Variants in SIM1 observed in about 807,000 individuals in gnomAD.
SIM1 encodes single-minded homolog 1.
Under a neutral mutation model 78.2 loss-of-function variants are expected in SIM1, and 18 were observed. That is an observed-to-expected ratio of 0.23 (90% CI 0.16 to 0.34). The LOEUF (loss-of-function observed/expected upper bound fraction) is 0.34. Among genes scored for constraint, SIM1 ranks in the 10% least tolerant of loss-of-function variants. SIM1 has a pLI of 1.00. For synonymous variants in SIM1, 417 were observed against 385.2 expected (o/e 1.08, Z -0.97); for missense variants, 939 against 975.1 (o/e 0.96, Z 0.49).
chr6:100,414,159 G>C (rs1771337683), intron 10 of SIM1, among the ~76,000 whole-genome samples: 1 of 152,208 alleles, frequency 6.6e-6, no homozygotes, highest in Non-Finnish European at 1.5e-5. Flanking sequence ...TTGTAAAAAG[G>C]GATGGATGGG....
At position 100,461,841 on chromosome 6, in the gene SIM1, C is replaced by CT. The variant is rs10522700; in HGVS notation, c.175+1452dup. On this transcript the variant is annotated intron_variant, in intron 2 of 11. Coordinates refer to ENST00000369208, the MANE Select transcript of SIM1 (RefSeq NM_005068.3). ...TTCTTCTTTTTTTCTTTCTTTCTTT[C>CT]TTTTTTTTTTTTTTTTTTTAATTTT... 2.7e-3 allele frequency among the ~76,000 whole-genome samples: 304 copies of CT among 113,340 alleles called. 1 individual carries two copies. The highest frequency in any genetic ancestry group is 8.3e-3 in the African/African-American group (232 of 28,018). 74.4% of individuals were successfully genotyped at this position (113,340 alleles called of 152,430 possible). A position where few individuals can be genotyped will look rare whatever the true frequency, so the allele number is the denominator to read the frequency against.
At position 100,404,197 on chromosome 6, in the gene SIM1, G is replaced by A. The variant is rs534149811; in HGVS notation, c.1168-10308C>T. On this transcript the variant is annotated intron_variant, in intron 10 of 11. Transcript: ENST00000369208. ...AGATATTCTTCTTTTGATTACGGTC[G>A]TTAAGATTCATTCCTGCTTCAACAG... Among the ~76,000 whole-genome samples, 11 of 152,274 alleles carry A rather than the reference G, an allele frequency of 7.2e-5. No individual in the cohort carries two copies. In the South Asian group the frequency reaches 1.9e-3, roughly 26 times the overall value.
intron 2 of SIM1, among the ~76,000 whole-genome samples, chr6:100,456,003 T>C: frequency 6.6e-6 from 1 of 152,152 alleles, no homozygotes; most frequent in East Asian, 1.9e-4. Flanking sequence ...ATAAACAACC[T>C]GTCCGGCACA....
chr6:100,425,456 T>C (rs1250002378), intron 9 of SIM1, among the ~76,000 whole-genome samples: 1 of 152,168 alleles, frequency 6.6e-6, no homozygotes, highest in African/African-American at 2.4e-5. Context: ...TGAGAGGAAT[T>C]TGGCCTTCCT....
chr6:100,451,211 G>A (rs1232169863), intron 3 of SIM1, among the ~76,000 whole-genome samples: 4 of 152,182 alleles, frequency 2.6e-5, no homozygotes, highest in Non-Finnish European at 2.9e-5. Context: ...CTGAGTGACC[G>A]GAGGCCTGGG....
At chr6:100,431,635 C>G (rs771298688) in intron 9 of SIM1, among the ~76,000 whole-genome samples, 7 of 152,144 alleles carry the variant, frequency 4.6e-5, no homozygotes, top group Non-Finnish European at 1.0e-4. Flanking sequence ...TTTTCATTGT[C>G]TCTATCCTTG....
chr6:100,390,237 CA>C lies in SIM1; in HGVS notation c.*123del. The stretch of plus-strand genomic sequence containing the variant: ...TCTTTGATTTTATAGGAACACGTAT[CA>C]AATACCCAGTAACTTAAGTTATACT... On this transcript the variant is annotated 3_prime_UTR_variant, in exon 12 of 12. Transcript: ENST00000369208. The C allele has an allele frequency of 1.9e-6, 2 of 1,072,640 alleles. No individual in the cohort carries two copies. Among genetic ancestry groups the C allele is most frequent in the Non-Finnish European group, 2.7e-6 (2 of 747,310 alleles). The allele number at this position is 1,072,640 out of a possible 1,614,324, so 66.4% of individuals were successfully genotyped here.
intron 9 of SIM1, among the ~76,000 whole-genome samples, chr6:100,438,642 T>G (rs1772122905): frequency 6.6e-6 from 1 of 152,172 alleles, no homozygotes; most frequent in Non-Finnish European, 1.5e-5. Context: ...AGTCATTATA[T>G]GAAAAAGACA....
chr6:100,394,024 A>G (rs1232860964), intron 10 of SIM1, 135 bp from the exon 11 acceptor site: 2 of 855,032 alleles, frequency 2.3e-6, no homozygotes, highest in African/African-American at 3.5e-5. Flanking sequence ...CGTCAAAATA[A>G]CCGTTGCTTT....
chr6:100,422,954 CG>C (rs1771634524), intron 9 of SIM1, among the ~76,000 whole-genome samples: 1 of 152,160 alleles, frequency 6.6e-6, no homozygotes, highest in African/African-American at 2.4e-5. Context: ...CAGCAAATTA[CG>C]ATGGCTTACT....
In SIM1 at chr6:100,414,280, T is replaced by G. The variant is rs143170323; in HGVS notation, c.1167+6510A>C. Among the ~76,000 whole-genome samples the G allele has an allele frequency of 2.5e-3, 378 of 152,306 alleles. 1 individual carries two copies. Among genetic ancestry groups the G allele is most frequent in the African/African-American group, 8.7e-3 (361 of 41,560 alleles). On this transcript the variant is annotated intron_variant, in intron 10 of 11. Coordinates refer to ENST00000369208, the MANE Select transcript of SIM1 (RefSeq NM_005068.3). ...TGAGGCCCTATGACCAACGACATCT[T>G]ATAATTCCTCTCTAACAGGTTAGCT...
rs368515157 is a variant in SIM1, at chr6:100,449,598, G to T, written c.450C>A (p.Phe150Leu). 6.2e-7 allele frequency: 1 copy of T among 1,613,518 alleles called. No homozygotes were observed. Among genetic ancestry groups the T allele is most frequent in the Admixed American group, 1.7e-5 (1 of 60,034 alleles). ...LTAHQPYHSH[F>L]VQEYEIERSF... Reference sequence around the variant, plus strand: ...GGCATGTGTCTACCTTACCCTGCACGAAGTGAGAGTGGTAGGGTTGATGGG... The same window carrying T: ...GGCATGTGTCTACCTTACCCTGCACTAAGTGAGAGTGGTAGGGTTGATGGG... The change falls in exon 5 of 12, where the codon TTC (phenylalanine) becomes TTA (leucine). Residue 150 changes from phenylalanine (F) to leucine (L), a missense_variant. Physicochemically the swap from Phe to Leu is conservative, Grantham distance 22. Transcript: ENST00000369208.
Position 100,448,486 on chromosome 6 carries a change from C to T in SIM1, c.736G>A (p.Asp246Asn), listed in dbSNP as rs1293783582. Residue 246 changes from aspartate (D) to asparagine (N), a missense_variant, in exon 7 of 12, where the codon GAC becomes AAC. Asp to Asn is a conservative substitution (Grantham distance 23). Around this residue, in one of 5 missense-constraint regions of SIM1, gnomAD observed 187 missense variants for 191.6 expected, o/e 0.98. Transcript: ENST00000369208. The part of the protein sequence containing the change: ...ASLDMKLIFL[D>N]SRVAELTGYE... ...CCGGCCCTGCCCACCCACCTGGAGTCCAGAAAGATGAGCTTCATGTCCAGG... is the reference window on the plus strand; with the variant it reads ...CCGGCCCTGCCCACCCACCTGGAGTTCAGAAAGATGAGCTTCATGTCCAGG... 4.3e-6 allele frequency: 7 copies of T among 1,613,634 alleles called. No individual in the cohort carries two copies. The Admixed American group carries it at 1.2e-4, about 27-fold the overall frequency.
chr6:100,415,722 G>A (rs770815417), intron 10 of SIM1, among the ~76,000 whole-genome samples: 1 of 152,072 alleles, frequency 6.6e-6, no homozygotes. Context: ...CCATCATCTC[G>A]GACAAACACC....
intron 9 of SIM1, among the ~76,000 whole-genome samples, chr6:100,441,353 C>G (rs965969972): frequency 2.6e-5 from 4 of 152,158 alleles, no homozygotes; most frequent in Non-Finnish European, 5.9e-5. Flanking sequence ...GGGGCCTCCC[C>G]TGCTGCCATA....
At chr6:100,422,516 A>T (rs1182286563) in intron 9 of SIM1, among the ~76,000 whole-genome samples, 1 of 152,150 alleles carries the variant, frequency 6.6e-6, no homozygotes, top group Admixed American at 6.6e-5. Flanking sequence ...AACCTGATAA[A>T]TTAATAAAAT....
chr6:100,391,151 A>G, intron 11 of SIM1, 60 bp from the exon 12 acceptor site: 1 of 1,498,494 alleles, frequency 6.7e-7, no homozygotes, highest in Middle Eastern at 2.5e-4. Flanking sequence ...AAATAAGTAT[A>G]TTTCCTTTAC....
intron 2 of SIM1, among the ~76,000 whole-genome samples, chr6:100,458,413 C>A (rs981906215): frequency 5.9e-5 from 9 of 152,150 alleles, no homozygotes; most frequent in Admixed American, 5.9e-4. Context: ...GGGACTCGGA[C>A]GATGGCACCT....
intron 2 of SIM1, among the ~76,000 whole-genome samples, chr6:100,459,568 C>CA (rs1286979067): frequency 1.3e-5 from 2 of 152,004 alleles, no homozygotes; most frequent in African/African-American, 2.4e-5. Context: ...TTCTCTGCCT[C>CA]AAAAAAATAT....
Sources: gnomAD v4.1 joint callset for allele counts (sites outside exome capture counted in the v4.1 genomes callset) on GRCh38, gnomAD v4.1.1 for gene constraint, gnomAD v4.1.1 regional missense constraint, MANE v1.5 for transcripts, NCBI Gene and HGNC (gene_info 2026-07-23, HGNC 2026-07-21) for gene names.